RYR3: variants seen among roughly 807,000 people sequenced by gnomAD.
RYR3 encodes brain ryanodine receptor-calcium release channel.
A neutral mutation model predicts 584.3 loss-of-function variants in RYR3; 207 were observed. The ratio of observed to expected loss-of-function variants is 0.35; its 90% CI spans 0.32 to 0.40. The LOEUF (loss-of-function observed/expected upper bound fraction) is 0.40, where lower values mean the gene tolerates loss of function less well. Among genes scored for constraint, RYR3 ranks in the 10% least tolerant of loss-of-function variants. The pLI is 1.00. For synonymous variants in RYR3, 2,416 were observed against 2,248.5 expected (o/e 1.07, Z -2.11); for missense variants, 5,616 against 6,089.2 (o/e 0.92, Z 2.59).
chr15:33,567,074 G>A (rs2057756363), intron 12 of RYR3, among the ~76,000 whole-genome samples: 1 of 152,220 alleles, frequency 6.6e-6, no homozygotes, highest in South Asian at 2.1e-4. Flanking sequence ...TAAGTGAAAA[G>A]AGTTGGAGTG....
At chr15:33,633,468 GAAA>G (rs927973839) in intron 24 of RYR3, among the ~76,000 whole-genome samples, 16 of 152,334 alleles carry the variant, frequency 1.1e-4, no homozygotes, top group Admixed American at 9.8e-4. Flanking sequence ...GAGGCAGCTT[GAAA>G]CCCAGAGCAC....
chr15:33,517,168 T>G (rs2053590336), intron 3 of RYR3, among the ~76,000 whole-genome samples: 1 of 152,168 alleles, frequency 6.6e-6, no homozygotes, highest in South Asian at 2.1e-4. Context: ...CTAATTTTTG[T>G]ATTTTTAGTA....
chr15:33,451,630 C>T (rs558228140), intron 1 of RYR3, among the ~76,000 whole-genome samples: 10 of 152,280 alleles, frequency 6.6e-5, no homozygotes, highest in Non-Finnish European at 1.3e-4. Flanking sequence ...AGGTCACAGT[C>T]AAGTCCAAAG....
rs574971899 is a variant in RYR3 at position 33,646,343 on chromosome 15, G to A, written c.3766-8G>A. On this transcript the variant is annotated splice_region_variant and splice_polypyrimidine_tract_variant and intron_variant, in intron 28 of 103. Coordinates refer to ENST00000634891, the MANE Select transcript of RYR3 (RefSeq NM_001036.6). ...GTATGTCAAGGTAAGGACTCGTCCT[G>A]TTTCCAGGTCATGAGGATTGATGGC... 42 of 1,594,618 alleles carry A rather than the reference G, an allele frequency of 2.6e-5. No individual in the cohort carries two copies. The South Asian group carries it at 4.5e-4, about 17-fold the overall frequency.
chr15:33,730,550 C>T (rs1567044252), intron 47 of RYR3, among the ~76,000 whole-genome samples: 1 of 152,100 alleles, frequency 6.6e-6, no homozygotes, highest in Non-Finnish European at 1.5e-5. Flanking sequence ...AACAATGAGA[C>T]ATGTATATAG....
chr15:33,805,322 A>G (rs999729315), intron 69 of RYR3, among the ~76,000 whole-genome samples: 1 of 152,138 alleles, frequency 6.6e-6, no homozygotes, highest in Non-Finnish European at 1.5e-5. Flanking sequence ...CCACCCCATG[A>G]AGTGTGATTT....
At position 33,706,479 on chromosome 15, in the gene RYR3, C is replaced by T. The variant is rs117540801; in HGVS notation, c.6484-440C>T. On this transcript the variant is annotated intron_variant, in intron 42 of 103. Coordinates refer to ENST00000634891, the MANE Select transcript of RYR3 (RefSeq NM_001036.6). Reference sequence around the variant, plus strand: ...CTCAAATTACCTCCTATGAATGGAACGATACGGTATTTGTCTTTTTGTGAC... The same window carrying T: ...CTCAAATTACCTCCTATGAATGGAATGATACGGTATTTGTCTTTTTGTGAC... Among the ~76,000 whole-genome samples, 565 of 152,272 alleles carry T rather than the reference C, an allele frequency of 3.7e-3. 4 individuals are homozygous for T. Among genetic ancestry groups the T allele is most frequent in the Non-Finnish European group, 6.5e-3 (445 of 68,028 alleles).
Position 33,826,272 on chromosome 15 carries a change from A to G in RYR3, c.11164+3A>G. 15 of 1,613,750 alleles carry G rather than the reference A, an allele frequency of 9.3e-6. No homozygotes were observed. The highest frequency in any genetic ancestry group is 1.3e-5 in the Non-Finnish European group (15 of 1,179,714). ...ACCAGTCATTGTTCGGGAACGTGGT[A>G]AGTTTCAGTTTCTGGCCTGAGTTCC... On this transcript the variant is annotated splice_donor_region_variant and intron_variant, in intron 83 of 103. Coordinates refer to ENST00000634891, the MANE Select transcript of RYR3 (RefSeq NM_001036.6).
At chr15:33,515,717 C>G (rs916733421) in intron 3 of RYR3, among the ~76,000 whole-genome samples, 1 of 152,222 alleles carries the variant, frequency 6.6e-6, no homozygotes, top group African/African-American at 2.4e-5. Context: ...AGATCCAATT[C>G]AAACTGGTTT....
At chr15:33,743,204 C>A (rs2070340183) in intron 52 of RYR3, among the ~76,000 whole-genome samples, 1 of 152,206 alleles carries the variant, frequency 6.6e-6, no homozygotes, top group South Asian at 2.1e-4. Flanking sequence ...CCTTGAACCA[C>A]CAGCTCAGCC....
At chr15:33,854,354 A>T (rs1172241577) in intron 96 of RYR3, 35 bp from the exon 97 acceptor site, 2 of 1,533,826 alleles carry the variant, frequency 1.3e-6, no homozygotes, top group African/African-American at 2.8e-5. Context: ...ACCTCTTGAC[A>T]TTTATAAGTT....
intron 20 of RYR3, among the ~76,000 whole-genome samples, chr15:33,627,643 AAAG>A (rs1332646617): frequency 2.0e-5 from 3 of 152,378 alleles, no homozygotes; most frequent in East Asian, 3.9e-4. Flanking sequence ...GATGAGAACT[AAAG>A]AAGAGCACTG....
At chr15:33,672,674 A>G (rs1381922316) in intron 38 of RYR3, among the ~76,000 whole-genome samples, 1 of 152,238 alleles carries the variant, frequency 6.6e-6, no homozygotes, top group Non-Finnish European at 1.5e-5. Flanking sequence ...CATATGCATT[A>G]AAGGGTCAAA....
intron 3 of RYR3, among the ~76,000 whole-genome samples, chr15:33,523,891 G>A (rs79365182): frequency 2.0e-5 from 3 of 152,136 alleles, no homozygotes; most frequent in Admixed American, 6.5e-5. Context: ...CCTCTCTAGC[G>A]TTTCCGTGTA....
Position 33,756,344 on chromosome 15 carries a change from C to G in RYR3, c.8554C>G (p.Arg2852Gly). The change falls in exon 59 of 104, where the codon CGT becomes GGT. Residue 2852 changes from arginine to glycine, a missense_variant. Arg to Gly is a moderately radical substitution (Grantham distance 125). This residue lies in a region of RYR3 where 1,280 missense variants were observed against 1,426.2 expected (regional missense o/e 0.90). Coordinates refer to ENST00000634891, the MANE Select transcript of RYR3 (RefSeq NM_001036.6). ...CAGTGGGAAAACTGAAAAGTCTCCC[C>G]GTGACCAGGAGATCAAATTCTTTGC... ...VSSGKTEKSPRDQEIKFFAKV... is the reference protein window; with the variant it reads ...VSSGKTEKSPGDQEIKFFAKV... The G allele has an allele frequency of 6.3e-7, 1 of 1,580,100 alleles. No homozygotes were observed. Among genetic ancestry groups the G allele is most frequent in the Non-Finnish European group, 8.6e-7 (1 of 1,162,100 alleles).
intron 76 of RYR3, among the ~76,000 whole-genome samples, chr15:33,819,311 A>G (rs2076984951): frequency 6.6e-6 from 1 of 152,194 alleles, no homozygotes; most frequent in Admixed American, 6.5e-5. Flanking sequence ...GGATTTTCTA[A>G]TTAATTCACT....
At chr15:33,558,734 A>G (rs1027583905) in intron 10 of RYR3, among the ~76,000 whole-genome samples, 12 of 152,298 alleles carry the variant, frequency 7.9e-5, no homozygotes, top group African/African-American at 2.9e-4. Flanking sequence ...ACAACAAGAC[A>G]TGTTTTTAAA....
At chr15:33,414,828 G>C (rs1012183980) in intron 1 of RYR3, among the ~76,000 whole-genome samples, 1 of 152,072 alleles carries the variant, frequency 6.6e-6, no homozygotes. Flanking sequence ...TCCTGGCCTC[G>C]TGATCCGCCC....
chr15:33,363,191 G>A (rs1441012593), intron 1 of RYR3, among the ~76,000 whole-genome samples: 1 of 152,168 alleles, frequency 6.6e-6, no homozygotes, highest in African/African-American at 2.4e-5. Context: ...TAGGTAGGGT[G>A]CTCTTTTTCT....
Sources: allele counts gnomAD v4.1 joint callset (sites outside exome capture counted in the v4.1 genomes callset), GRCh38; gene constraint gnomAD v4.1.1; regional missense constraint gnomAD v4.1.1; transcripts MANE v1.5; gene names NCBI Gene and HGNC (gene_info 2026-07-23, HGNC 2026-07-21).